The following SNAPC3 variants were observed in gnomAD, a reference collection of about 807,000 sequenced individuals.
The protein encoded by SNAPC3 is small nuclear RNA activating complex polypeptide 3.
In SNAPC3, 56 loss-of-function variants were observed where a neutral mutation model predicts 47.7. That is an observed-to-expected ratio of 1.18 (90% confidence interval 0.95 to 1.47). The LOEUF (loss-of-function observed/expected upper bound fraction) is 1.47. SNAPC3 is among the 40% of genes most tolerant of loss of function. The pLI is 0.00. For missense variants in SNAPC3, 665 were observed against 511.3 expected (o/e 1.30, Z -2.90); for synonymous variants, 235 against 189.9 (o/e 1.24, Z -1.95).
intron 2 of SNAPC3, among the ~76,000 whole-genome samples, chr9:15,429,157 A>T (rs2031827580): frequency 6.6e-6 from 1 of 152,206 alleles, no homozygotes; most frequent in African/African-American, 2.4e-5. Context: ...TCACATGTTG[A>T]AAAACTGACA....
At chr9:15,438,643 A>C (rs565104504) in intron 3 of SNAPC3, among the ~76,000 whole-genome samples, 11 of 152,152 alleles carry the variant, frequency 7.2e-5, no homozygotes, top group Non-Finnish European at 1.5e-4. Flanking sequence ...ATTTTTGTCG[A>C]GTGTTGTTAA....
At position 15,459,788 on chromosome 9, in the gene SNAPC3, G is replaced by A. The variant is rs766915260; in HGVS notation, c.1158G>A (p.Met386Ile). ...PCFFCDVCFR[M>I]LHYDSEGNKL... ...TCTTTTGTGATGTTTGCTTCCGAAT[G>A]CTGCACTATGATTCAGAAGGCAACA... Residue 386 changes from methionine (M) to isoleucine (I), a missense_variant, in exon 9 of 9, where the codon ATG (methionine) becomes ATA (isoleucine). Met to Ile is a conservative substitution (Grantham distance 10, BLOSUM62 1). Coordinates refer to ENST00000380821, the MANE Select transcript of SNAPC3 (RefSeq NM_001039697.2). The A allele has an allele frequency of 1.3e-5, 21 of 1,613,358 alleles. No individual in the cohort carries two copies. Among genetic ancestry groups the A allele is most frequent in the South Asian group, 5.5e-5 (5 of 90,956 alleles).
intron 5 of SNAPC3, 50 bp from the exon 6 acceptor site, chr9:15,451,270 C>T: frequency 1.4e-6 from 1 of 735,362 alleles, no homozygotes; most frequent in Admixed American, 2.5e-5. Context: ...AGAGCAATTT[C>T]ATCATTGTTA....
Position 15,422,944 on chromosome 9 carries a change from C to G in SNAPC3, c.65C>G (p.Ser22Cys), listed in dbSNP as rs963850662. The G allele has an allele frequency of 2.0e-6, 3 of 1,537,882 alleles. No homozygotes were observed. The African/African-American group carries it at 4.2e-5, about 22-fold the overall frequency. Residue 22 changes from serine to cysteine, a missense_variant, in exon 1 of 9, where the codon TCC (serine) becomes TGC (cysteine). Ser to Cys is a moderately radical substitution (Grantham distance 112). Transcript: ENST00000380821. ...SGVGGRQDPV[S>C]GSGGCNFPEY... Reference sequence around the variant, plus strand: ...GTGGGTGGCAGGCAGGACCCAGTCTCCGGCAGTGGCGGCTGCAACTTTCCA... The same window carrying G: ...GTGGGTGGCAGGCAGGACCCAGTCTGCGGCAGTGGCGGCTGCAACTTTCCA...
intron 6 of SNAPC3, among the ~76,000 whole-genome samples, chr9:15,451,968 T>C (rs535566190): frequency 2.1e-5 from 1 of 47,530 alleles, no homozygotes; most frequent in South Asian, 3.9e-4. Context: ...TGTTGCCCTT[T>C]TTAAAAAAAA....
intron 2 of SNAPC3, among the ~76,000 whole-genome samples, chr9:15,430,862 A>G (rs1360668175): frequency 2.6e-5 from 4 of 152,184 alleles, no homozygotes; most frequent in Non-Finnish European, 5.9e-5. Flanking sequence ...GCAAAGTCCC[A>G]AAGTATATGC....
At position 15,427,764 on chromosome 9, in the gene SNAPC3, C is replaced by CA. The variant is rs1384454547; in HGVS notation, c.392+3782dup. Among the ~76,000 whole-genome samples, 7 of 152,202 alleles carry CA rather than the reference C, an allele frequency of 4.6e-5. No homozygotes were observed. In the East Asian group the frequency reaches 1.3e-3, roughly 29 times the overall value. ...CCAGGATGTACTGTTTAAAGGTTAA[C>CA]AAAAGGAACTTACAGAGTCCTGCAA... On this transcript the variant is annotated intron_variant, in intron 2 of 8. Transcript: ENST00000380821.
At chr9:15,450,186 C>T (rs1049192696) in intron 5 of SNAPC3, among the ~76,000 whole-genome samples, 3 of 151,990 alleles carry the variant, frequency 2.0e-5, no homozygotes, top group African/African-American at 7.3e-5. Flanking sequence ...CCATAACAAC[C>T]TATGAGGAAA....
chr9:15,432,957 G>A (rs1034205959), intron 2 of SNAPC3, among the ~76,000 whole-genome samples: 7 of 152,168 alleles, frequency 4.6e-5, no homozygotes, highest in Non-Finnish European at 8.8e-5. Context: ...TCTTTCTGGT[G>A]CAGGAACCTG....
In SNAPC3 at chr9:15,447,136, C is replaced by A. The variant is rs767418186; in HGVS notation, c.624C>A (p.Gly208=). Reference sequence around the variant, plus strand: ...CATACCAAACAATGCTGGTGTTGGGCAGTCAAAAACTCACACAACTGAGGG... The same window carrying A: ...CATACCAAACAATGCTGGTGTTGGGAAGTCAAAAACTCACACAACTGAGGG... ...HKPYQTMLVL[G]SQKLTQLRDS... Residue 208 remains glycine (G), a synonymous_variant, in exon 5 of 9, where the codon GGC becomes GGA. Transcript: ENST00000380821. 1.9e-6 allele frequency: 3 copies of A among 1,613,752 alleles called. No homozygotes were observed. The highest frequency in any genetic ancestry group is 2.5e-6 in the Non-Finnish European group (3 of 1,179,780).
chr9:15,457,686 C>T, intron 7 of SNAPC3, among the ~76,000 whole-genome samples: 1 of 152,142 alleles, frequency 6.6e-6, no homozygotes, highest in East Asian at 1.9e-4. Context: ...ATAACTCCCT[C>T]TTAAGGGGGG....
At chr9:15,426,045 C>T (rs545273487) in intron 2 of SNAPC3, among the ~76,000 whole-genome samples, 3 of 152,270 alleles carry the variant, frequency 2.0e-5, no homozygotes, top group Admixed American at 6.5e-5. Context: ...TTAGTAGGGA[C>T]GGAGTTTCTC....
chr9:15,464,685 A>G (rs1372790349), downstream of SNAPC3: 2 of 198,436 alleles, frequency 1.0e-5, no homozygotes, highest in Non-Finnish European at 2.1e-5. Context: ...TTTTAACAAC[A>G]TTCCTCAAAA....
At position 15,423,973 on chromosome 9, in the gene SNAPC3, C is replaced by G; in HGVS notation, c.379C>G (p.Leu127Val). The G allele has an allele frequency of 6.3e-7, 1 of 1,574,972 alleles. No individual in the cohort carries two copies. The highest frequency in any genetic ancestry group is 8.6e-7 in the Non-Finnish European group (1 of 1,160,866). Residue 127 changes from leucine (L) to valine (V), a missense_variant, in exon 2 of 9, where the codon CTG (leucine) becomes GTG (valine). Leu to Val is a conservative substitution (Grantham distance 32). Coordinates refer to ENST00000380821, the MANE Select transcript of SNAPC3 (RefSeq NM_001039697.2). ...AGAAGTCATTCCGGAGAATACTGAC[C>G]TGGTGACTTTGGGGTATGGAGGACT... ...DPEVIPENTDLVTLGVRKRFL... is the reference protein window; with the variant it reads ...DPEVIPENTDVVTLGVRKRFL...
At position 15,459,873 on chromosome 9, in the gene SNAPC3, C is replaced by T. The variant is rs199515362; in HGVS notation, c.*7C>T. 7.2e-5 allele frequency: 115 copies of T among 1,601,970 alleles called. 1 individual carries two copies. Among genetic ancestry groups the T allele is most frequent in the Middle Eastern group, 5.0e-4 (3 of 6,044 alleles). On this transcript the variant is annotated 3_prime_UTR_variant, in exon 9 of 9. Coordinates refer to ENST00000380821, the MANE Select transcript of SNAPC3 (RefSeq NM_001039697.2). Reference sequence around the variant, plus strand: ...TCCTGGAACCTTTAATTAAGAATAGCTACACTCACAAAAATACCCCCTCAT... The same window carrying T: ...TCCTGGAACCTTTAATTAAGAATAGTTACACTCACAAAAATACCCCCTCAT...
intron 2 of SNAPC3, among the ~76,000 whole-genome samples, chr9:15,428,008 G>A (rs2031655500): frequency 6.6e-6 from 1 of 151,326 alleles, no homozygotes. Flanking sequence ...CTACTCGGGA[G>A]GCTGAGGCAA....
intron 5 of SNAPC3, among the ~76,000 whole-genome samples, chr9:15,449,556 TATATATA>T (rs1218440118): frequency 0.014 from 517 of 37,698 alleles, no homozygotes; most frequent in African/African-American, 0.027. Context: ...TATATATATA[TATATATA>T]TTTTTTTTTT....
intron 4 of SNAPC3, 65 bp from the exon 5 acceptor site, chr9:15,447,030 T>A (rs532076266): frequency 7.2e-7 from 1 of 1,380,412 alleles, no homozygotes; most frequent in East Asian, 2.3e-5. Flanking sequence ...GATCTAGTCA[T>A]GACAGGATTT....
chr9:15,451,807 C>G lies in SNAPC3; in HGVS notation c.815+405C>G, dbSNP rs73417332. Among the ~76,000 whole-genome samples, 491 of 152,070 alleles carry G rather than the reference C, an allele frequency of 3.2e-3. 4 individuals are homozygous for G. Among genetic ancestry groups the G allele is most frequent in the African/African-American group, 0.011 (464 of 41,478 alleles). ...ACCTTTCACTATTTTTTCTGCCTAT[C>G]CAGCATATACTATTGTTTGCCCTAG... On this transcript the variant is annotated intron_variant, in intron 6 of 8. Coordinates refer to ENST00000380821, the MANE Select transcript of SNAPC3 (RefSeq NM_001039697.2).
Sources: allele counts gnomAD v4.1 joint callset (sites outside exome capture counted in the v4.1 genomes callset), GRCh38; gene constraint gnomAD v4.1.1; transcripts MANE v1.5; gene names NCBI Gene and HGNC (gene_info 2026-07-23, HGNC 2026-07-21).